Variants in ZNF438 observed in about 807,000 individuals in gnomAD.
ZNF438 encodes the protein zinc finger protein 438.
Under a neutral mutation model 38.0 loss-of-function variants are expected in ZNF438, and 25 were observed. The observed-to-expected ratio is 0.66, with a 90% confidence interval of 0.48 to 0.92. ZNF438 has a LOEUF of 0.92. Among genes scored for constraint, ZNF438 ranks in the 40% least tolerant of loss-of-function variants. ZNF438 has a pLI of 0.00. For missense variants in ZNF438, 1,007 were observed against 999.6 expected (o/e 1.01, Z -0.10); for synonymous variants, 372 against 364.1 (o/e 1.02, Z -0.25).
At chr10:30,898,743 T>C (rs1389231975) in intron 3 of ZNF438, among the ~76,000 whole-genome samples, 2 of 152,276 alleles carry the variant, frequency 1.3e-5, no homozygotes, top group Non-Finnish European at 1.5e-5. Context: ...TCCAATTTCA[T>C]GGTGACCATT....
rs71527620 is a variant in ZNF438 at position 30,930,803 on chromosome 10, C to CAAAAAAAAAA, written c.-115+10762_-115+10771dup. Among the ~76,000 whole-genome samples, 71 of 38,438 alleles carry CAAAAAAAAAA rather than the reference C, an allele frequency of 1.8e-3. 3 individuals carry two copies. The highest frequency in any genetic ancestry group is 4.7e-3 in the African/African-American group (58 of 12,220). 25.2% of individuals were successfully genotyped at this position (38,438 alleles called of 152,430 possible). Reference sequence around the variant, plus strand: ...GCCTGGCGACAGAGAGAAACTCAGTCAAAAAAAAAAAAAAAAAAAAAAAAA... The same window carrying CAAAAAAAAAA: ...GCCTGGCGACAGAGAGAAACTCAGTCAAAAAAAAAAAAAAAAAAAAAAAAAAAAAAAAAAA... On this transcript the variant is annotated intron_variant, in intron 2 of 5. Coordinates refer to ENST00000413025, the Ensembl canonical transcript of ZNF438.
chr10:30,942,702 T>C (rs553003793), intron 1 of ZNF438, among the ~76,000 whole-genome samples: 1 of 151,422 alleles, frequency 6.6e-6, no homozygotes, highest in Non-Finnish European at 1.5e-5. Flanking sequence ...TGATATCCTG[T>C]CCTAGAATTT....
intron 1 of ZNF438, among the ~76,000 whole-genome samples, chr10:30,982,165 G>A (rs1182849202): frequency 1.5e-4 from 22 of 150,046 alleles, no homozygotes; most frequent in Admixed American, 1.4e-3. Context: ...ACAGTGGCGC[G>A]ATCTCGGCTC....
At chr10:30,924,242 C>T (rs11008304) in intron 2 of ZNF438, among the ~76,000 whole-genome samples, 11,423 of 152,152 alleles carry the variant, frequency 0.075, 447 homozygotes, top group African/African-American at 0.11. Flanking sequence ...ATGACTGAGA[C>T]GATGAATGTT....
intron 2 of ZNF438, among the ~76,000 whole-genome samples, chr10:30,936,866 T>G (rs562605588): frequency 6.6e-6 from 1 of 152,322 alleles, no homozygotes; most frequent in Admixed American, 6.5e-5. Flanking sequence ...CAAACCTTTA[T>G]GCTTTGAACT....
In ZNF438 at chr10:30,892,730, T is replaced by C. The variant is rs561235696; in HGVS notation, c.-31-15665A>G. On this transcript the variant is annotated intron_variant, in intron 3 of 5. Transcript: ENST00000413025. Reference sequence around the variant, plus strand: ...GGGCACCCTTTCAGAAATGGTTTTATGTTTACAGAAACTAACACATAGAAA... The same window carrying C: ...GGGCACCCTTTCAGAAATGGTTTTACGTTTACAGAAACTAACACATAGAAA... Among the ~76,000 whole-genome samples the C allele has an allele frequency of 2.6e-5, 4 of 152,338 alleles. No homozygotes were observed. The East Asian group carries it at 7.7e-4, about 29-fold the overall frequency.
chr10:30,844,787 G>C, exon 6 of ZNF438: 1 of 793,826 alleles, frequency 1.3e-6, no homozygotes, highest in South Asian at 2.0e-5. Flanking sequence ...AATATGCTTC[G>C]AGAGCTTATA....
At chr10:30,848,370 C>G (rs150067138) in intron 5 of ZNF438, among the ~76,000 whole-genome samples, 161 bp downstream of exon 6, 2 of 152,220 alleles carry the variant, frequency 1.3e-5, no homozygotes, top group Non-Finnish European at 2.9e-5. Context: ...CAGAGAGAAA[C>G]AAGATCATTC....
At chr10:30,995,340 G>A (rs2061708025) in intron 1 of ZNF438, among the ~76,000 whole-genome samples, 1 of 152,164 alleles carries the variant, frequency 6.6e-6, no homozygotes, top group African/African-American at 2.4e-5. Context: ...AGGCCAGAAA[G>A]CAATGGAATT....
At chr10:30,869,764 CA>C (rs1337526103) in intron 4 of ZNF438, among the ~76,000 whole-genome samples, 1 of 152,194 alleles carries the variant, frequency 6.6e-6, no homozygotes, top group East Asian at 1.9e-4. Flanking sequence ...AGTCCAAGAA[CA>C]GCATTTACAC....
chr10:30,908,668 A>G (rs901711061), intron 3 of ZNF438, among the ~76,000 whole-genome samples: 1 of 152,214 alleles, frequency 6.6e-6, no homozygotes, highest in Admixed American at 6.5e-5. Flanking sequence ...CGCTGCATAT[A>G]AAAATATATA....
intron 3 of ZNF438, among the ~76,000 whole-genome samples, chr10:30,878,949 G>A (rs549431656): frequency 2.6e-5 from 4 of 152,292 alleles, no homozygotes; most frequent in East Asian, 3.9e-4. Flanking sequence ...ACTGATCCCC[G>A]AGAGCCAGGA....
At chr10:30,951,461 A>T (rs1301235924) in intron 1 of ZNF438, among the ~76,000 whole-genome samples, 1 of 152,122 alleles carries the variant, frequency 6.6e-6, no homozygotes, top group South Asian at 2.1e-4. Flanking sequence ...GTCAAATTGT[A>T]CCTGTTTGCA....
chr10:30,845,004 G>C, exon 6 of ZNF438: 1 of 1,614,162 alleles, frequency 6.2e-7, no homozygotes, highest in Non-Finnish European at 8.5e-7. Context: ...TCCCTGGTTG[G>C]AGACCGTATT....
At chr10:30,952,386 C>A (rs575368251) in intron 1 of ZNF438, among the ~76,000 whole-genome samples, 25 of 152,124 alleles carry the variant, frequency 1.6e-4, no homozygotes, top group African/African-American at 5.3e-4. Flanking sequence ...GCAACAAAAG[C>A]CAAAACTGAC....
intron 1 of ZNF438, among the ~76,000 whole-genome samples, chr10:30,998,267 G>A (rs559305955): frequency 2.0e-5 from 3 of 152,084 alleles, no homozygotes; most frequent in Non-Finnish European, 2.9e-5. Flanking sequence ...TTGGCTGGGC[G>A]CAGTGGCTCA....
At chr10:30,888,696 G>A (rs2040279837) in intron 3 of ZNF438, among the ~76,000 whole-genome samples, 1 of 152,068 alleles carries the variant, frequency 6.6e-6, no homozygotes, top group South Asian at 2.1e-4. Context: ...TCCTATAAAG[G>A]GCATGATCTC....
At chr10:31,017,850 G>A (rs150915775) in intron 1 of ZNF438, among the ~76,000 whole-genome samples, 1 of 152,188 alleles carries the variant, frequency 6.6e-6, no homozygotes, top group Non-Finnish European at 1.5e-5. Flanking sequence ...CCACTTCCAA[G>A]ACACTGGTTC....
intron 4 of ZNF438, chr10:30,875,352 C>T: frequency 3.0e-6 from 3 of 985,352 alleles, no homozygotes; most frequent in Non-Finnish European, 2.4e-6. Context: ...CTGAAAGGAA[C>T]ACCTAGTCAT....
Sources: gnomAD v4.1 joint callset for allele counts (sites outside exome capture counted in the v4.1 genomes callset) on GRCh38, gnomAD v4.1.1 for gene constraint, MANE v1.5 for transcripts, NCBI Gene and HGNC (gene_info 2026-07-23, HGNC 2026-07-21) for gene names.